RIMBP2: variants seen among roughly 807,000 people sequenced by gnomAD.
RIMBP2 encodes RIMS-binding protein 2.
RIMBP2 carries 48 observed loss-of-function variants against 118.6 expected under a neutral mutation model. The observed-to-expected ratio is 0.40, with a 90% confidence interval of 0.32 to 0.51. RIMBP2 has a LOEUF of 0.51. Ranked by LOEUF, RIMBP2 falls within the 20% of genes least tolerant of loss-of-function variation. The pLI is 0.41. For missense variants in RIMBP2, 1,551 were observed against 1,768.3 expected (o/e 0.88, Z 2.20); for synonymous variants, 762 against 742.9 (o/e 1.03, Z -0.42).
In RIMBP2 at chr12:130,447,667, C is replaced by T. The variant is rs929323692; in HGVS notation, c.582-2398G>A. Among the ~76,000 whole-genome samples, 6 of 152,140 alleles carry T rather than the reference C, an allele frequency of 3.9e-5. No homozygotes were observed. Among genetic ancestry groups the T allele is most frequent in the Non-Finnish European group, 8.8e-5 (6 of 68,024 alleles). On this transcript the variant is annotated intron_variant, in intron 9 of 22. Transcript: ENST00000690449. This position sits in a 1 kb window ranked among gnomAD's most constrained non-coding sequence, Gnocchi z 4.4. The stretch of plus-strand genomic sequence containing the variant: ...GCACACTGCAAGTGGGTGAACTGTG[C>T]AGTGAGGACCATCTCTCCGTACAGC...
chr12:130,456,759 T>C (rs1020950370), intron 6 of RIMBP2, 59 bp from the exon 7 acceptor site: 8 of 1,326,570 alleles, frequency 6.0e-6, no homozygotes, highest in African/African-American at 2.9e-5. Context: ...GAAATGTGTG[T>C]GCGCCTGTTC....
At chr12:130,559,755 G>A (rs1225026346) in intron 2 of RIMBP2, among the ~76,000 whole-genome samples, 1 of 152,174 alleles carries the variant, frequency 6.6e-6, no homozygotes, top group Non-Finnish European at 1.5e-5. Flanking sequence ...AAGGGTGCTG[G>A]CTTGGAAGCC....
At chr12:130,614,987 A>G (rs186415322) in intron 2 of RIMBP2, among the ~76,000 whole-genome samples, 24 of 149,342 alleles carry the variant, frequency 1.6e-4, no homozygotes, top group Non-Finnish European at 2.8e-4. Context: ...ATGAAATAGG[A>G]CAGCTTGGAC....
In RIMBP2 at chr12:130,700,399, C is replaced by T. The variant is rs1457156124; in HGVS notation, c.-352+15823G>A. On this transcript the variant is annotated intron_variant, in intron 1 of 22. Transcript: ENST00000690449. ...ATGTCCCCCGAGAATCACGTTCACTCGAGACCTCAGAATGGGACCTCACTT... is the reference window on the plus strand; with the variant it reads ...ATGTCCCCCGAGAATCACGTTCACTTGAGACCTCAGAATGGGACCTCACTT... Among the ~76,000 whole-genome samples the T allele has an allele frequency of 2.0e-5, 3 of 152,098 alleles. No individual in the cohort carries two copies. In the East Asian group the frequency reaches 5.8e-4, roughly 29 times the overall value.
intron 1 of RIMBP2, among the ~76,000 whole-genome samples, chr12:130,684,277 C>T (rs188813559): frequency 3.3e-5 from 5 of 152,210 alleles, no homozygotes; most frequent in Admixed American, 3.3e-4. Context: ...ACCAAATCAA[C>T]GTACATCTTA....
At chr12:130,433,694 G>A (rs955418670) in intron 14 of RIMBP2, among the ~76,000 whole-genome samples, 29 of 152,170 alleles carry the variant, frequency 1.9e-4, no homozygotes, top group East Asian at 3.9e-4. Context: ...TCTGGCTTCC[G>A]TCCATCCCTT....
rs750916221 is a variant in RIMBP2 at position 130,628,409 on chromosome 12, T to C, written c.-304A>G. The C allele has an allele frequency of 2.6e-5, 4 of 152,202 alleles. No individual in the cohort carries two copies. Among genetic ancestry groups the C allele is most frequent in the Non-Finnish European group, 4.4e-5 (3 of 68,038 alleles). 9.4% of individuals were successfully genotyped at this position (152,202 alleles called of 1,614,324 possible). ...CTCCCAAAGCTTGGGTCTGATCGAA[T>C]GTGGCCTCAGCACCTGCAGGCTTCA... On this transcript the variant is annotated 5_prime_UTR_variant, in exon 2 of 23. Transcript: ENST00000690449.
At chr12:130,488,884 C>A (rs2082696609) in intron 4 of RIMBP2, among the ~76,000 whole-genome samples, 2 of 152,156 alleles carry the variant, frequency 1.3e-5, no homozygotes, top group South Asian at 4.1e-4. Context: ...TTCTAATCTG[C>A]AGAAATATAT....
chr12:130,504,724 C>T (rs969939793), intron 4 of RIMBP2, among the ~76,000 whole-genome samples: 1 of 152,038 alleles, frequency 6.6e-6, no homozygotes, highest in Non-Finnish European at 1.5e-5. Flanking sequence ...GCTACAGCAG[C>T]GATAAGAAAC....
chr12:130,652,773 G>T (rs1156736530), intron 1 of RIMBP2, among the ~76,000 whole-genome samples: 2 of 152,178 alleles, frequency 1.3e-5, no homozygotes, highest in Non-Finnish European at 2.9e-5. Context: ...CTTCTGGTGA[G>T]ACCTCACAGA....
At chr12:130,707,528 C>A (rs1216324859) in intron 1 of RIMBP2, among the ~76,000 whole-genome samples, 1 of 152,146 alleles carries the variant, frequency 6.6e-6, no homozygotes, top group African/African-American at 2.4e-5. Flanking sequence ...GCCTTCCAGA[C>A]AAAGACATGA....
chr12:130,589,961 C>T (rs140826273), intron 2 of RIMBP2, among the ~76,000 whole-genome samples: 3 of 152,302 alleles, frequency 2.0e-5, no homozygotes, highest in African/African-American at 4.8e-5. Flanking sequence ...ACGGCCCCCT[C>T]GGGCTCCCCA....
intron 2 of RIMBP2, among the ~76,000 whole-genome samples, chr12:130,618,587 G>C (rs1448961316): frequency 6.6e-6 from 1 of 152,104 alleles, no homozygotes; most frequent in African/African-American, 2.4e-5. Flanking sequence ...CTAGTGCTGT[G>C]GGCTCCCAGG....
chr12:130,479,966 A>C (rs930385177), intron 4 of RIMBP2, among the ~76,000 whole-genome samples: 1 of 151,826 alleles, frequency 6.6e-6, no homozygotes. Context: ...CCTGACAGTG[A>C]GGACCAGGCC....
At position 130,710,810 on chromosome 12, in the gene RIMBP2, C is replaced by A. The variant is rs563489714; in HGVS notation, c.-352+5412G>T. On this transcript the variant is annotated intron_variant, in intron 1 of 22. Coordinates refer to ENST00000690449, the MANE Select transcript of RIMBP2 (RefSeq NM_001393629.1). This position sits in a 1 kb window ranked among gnomAD's most constrained non-coding sequence, Gnocchi z 4.3. ...AACAAATGAGAATATCCCAAATGGA[C>A]GTCTTCAGGCCTCTCCCTGCTCTAC... Among the ~76,000 whole-genome samples the A allele has an allele frequency of 6.6e-6, 1 of 152,236 alleles. No homozygotes were observed. Among genetic ancestry groups the A allele is most frequent in the African/African-American group, 2.4e-5 (1 of 41,462 alleles).
At chr12:130,579,475 CGT>C (rs1288559484) in intron 2 of RIMBP2, among the ~76,000 whole-genome samples, 1 of 152,118 alleles carries the variant, frequency 6.6e-6, no homozygotes, top group Non-Finnish European at 1.5e-5. Context: ...CTCTTGGGAG[CGT>C]GTGTCTGGTT....
chr12:130,673,489 G>C lies in RIMBP2; in HGVS notation c.-352+42733C>G, dbSNP rs1394743401. On this transcript the variant is annotated intron_variant, in intron 1 of 22. Transcript: ENST00000690449. ...CAATCCCCATGGCCCACCAGCTACT[G>C]ACCTCCAGAGGCTGGGGAAGCGCCA... is the stretch of plus-strand genomic sequence containing the variant. Among the ~76,000 whole-genome samples, 34 of 152,190 alleles carry C rather than the reference G, an allele frequency of 2.2e-4. 1 individual carries two copies. Among genetic ancestry groups the C allele is most frequent in the Admixed American group, 2.2e-3 (34 of 15,290 alleles).
In RIMBP2 at chr12:130,664,108, AAAAAAT is replaced by A. The variant is rs913345668; in HGVS notation, c.-351-35658_-351-35653del. On this transcript the variant is annotated intron_variant, in intron 1 of 22. Coordinates refer to ENST00000690449, the MANE Select transcript of RIMBP2 (RefSeq NM_001393629.1). The stretch of plus-strand genomic sequence containing the variant: ...ATATCTATAGTAACCCCTAGGCTCA[AAAAAAT>A]AAAAATAAAAAAGAAGTGTCAACAA... Among the ~76,000 whole-genome samples the A allele has an allele frequency of 5.7e-4, 86 of 151,836 alleles. 1 individual carries two copies. Among genetic ancestry groups the A allele is most frequent in the African/African-American group, 2.0e-3 (84 of 41,106 alleles).
intron 1 of RIMBP2, among the ~76,000 whole-genome samples, chr12:130,657,522 G>A (rs1164478810): frequency 6.6e-6 from 1 of 152,228 alleles, no homozygotes; most frequent in Non-Finnish European, 1.5e-5. Flanking sequence ...GATAGAGCTT[G>A]GGGGATGGAA....
Sources: allele counts gnomAD v4.1 joint callset (sites outside exome capture counted in the v4.1 genomes callset), GRCh38; gene constraint gnomAD v4.1.1; non-coding constraint Gnocchi (gnomAD v3.1); transcripts MANE v1.5; gene names NCBI Gene and HGNC (gene_info 2026-07-23, HGNC 2026-07-21).